Variants in CACYBP observed in about 807,000 individuals in gnomAD.
CACYBP encodes calcyclin binding protein.
Under a neutral mutation model 29.6 loss-of-function variants are expected in CACYBP, and 11 were observed. The ratio of observed to expected loss-of-function variants is 0.37; its 90% CI spans 0.23 to 0.61. The LOEUF is 0.61. Among genes scored for constraint, CACYBP ranks in the 20% least tolerant of loss-of-function variants. The pLI is 0.65. For missense variants in CACYBP, 163 were observed against 260.7 expected (o/e 0.63, Z 2.58); for synonymous variants, 73 against 88.3 (o/e 0.83, Z 0.97).
At chr1:175,000,441 C>T in intron 1 of CACYBP, 2 of 1,372,608 alleles carry the variant, frequency 1.5e-6, no homozygotes, top group Non-Finnish European at 1.9e-6. Context: ...GGCGATTATC[C>T]GTGCAGGCGG....
rs186375731 is a variant in CACYBP at position 175,007,845 on chromosome 1, T to C, written c.432+648T>C. ...AAACTGTCTTTTAAAAACTACTCTTTGTAATTTTTACTAAATCAGATAGTC... is the reference window on the plus strand; with the variant it reads ...AAACTGTCTTTTAAAAACTACTCTTCGTAATTTTTACTAAATCAGATAGTC... On this transcript the variant is annotated intron_variant, in intron 4 of 5. Coordinates refer to ENST00000367679, the MANE Select transcript of CACYBP (RefSeq NM_014412.3). Among the ~76,000 whole-genome samples the C allele has an allele frequency of 5.8e-3, 884 of 152,350 alleles. 7 individuals carry two copies. Among genetic ancestry groups the C allele is most frequent in the Non-Finnish European group, 6.9e-3 (470 of 68,036 alleles).
chr1:175,000,343 C>T, intron 1 of CACYBP, 148 bp downstream of exon 1: 5 of 1,444,230 alleles, frequency 3.5e-6, no homozygotes, highest in South Asian at 1.5e-5. Context: ...GGGGACACCT[C>T]ACTCGCCCCT....
intron 4 of CACYBP, among the ~76,000 whole-genome samples, chr1:175,007,919 A>G (rs1025352871): frequency 2.6e-5 from 4 of 152,222 alleles, no homozygotes; most frequent in Non-Finnish European, 4.4e-5. Context: ...CGTTAGGTAT[A>G]TAGACATGAC....
chr1:175,000,121 G>T lies in CACYBP; in HGVS notation c.-60G>T. 2 of 1,571,830 alleles carry T rather than the reference G, an allele frequency of 1.3e-6. No individual in the cohort carries two copies. The highest frequency in any genetic ancestry group is 1.7e-6 in the Non-Finnish European group (2 of 1,157,874). On this transcript the variant is annotated 5_prime_UTR_variant, in exon 1 of 6. Coordinates refer to ENST00000367679, the MANE Select transcript of CACYBP (RefSeq NM_014412.3). ...CGCTCGGTTTGAGGGCTCGGCGCGG[G>T]GTTTCCTGTTCCTCCTTCTGCGCGG...
At chr1:175,000,271 T>A (rs1305624459) in intron 1 of CACYBP, 76 bp downstream of exon 1, 9 of 1,546,282 alleles carry the variant, frequency 5.8e-6, no homozygotes, top group Non-Finnish European at 7.9e-6. Context: ...TACCGCCGTT[T>A]CCGTGGGCTG....
At chr1:175,000,276 G>T in intron 1 of CACYBP, 81 bp downstream of exon 1, 2 of 1,540,474 alleles carry the variant, frequency 1.3e-6, no homozygotes, top group South Asian at 1.2e-5. Context: ...CCGTTTCCGT[G>T]GGCTGAGCCG....
intron 1 of CACYBP, among the ~76,000 whole-genome samples, chr1:175,003,787 A>G (rs1672551609): frequency 6.6e-6 from 1 of 152,214 alleles, no homozygotes; most frequent in African/African-American, 2.4e-5. Flanking sequence ...ACTTAGGCTC[A>G]ATAATTTTCT....
rs1574113314 is a variant in CACYBP at position 175,011,480 on chromosome 1, C to T, written c.*1401C>T. On this transcript the variant is annotated 3_prime_UTR_variant, in exon 6 of 6. Transcript: ENST00000367679. ...ACTAGAAGAAAATGGAGGAAAACGA[C>T]ATTATATGTGACTTAAAACCTAGAA... 1 of 152,120 alleles carries T rather than the reference C, an allele frequency of 6.6e-6. No individual in the cohort carries two copies. Among genetic ancestry groups the T allele is most frequent in the Admixed American group, 6.5e-5 (1 of 15,274 alleles). 9.4% of individuals were successfully genotyped at this position (152,120 alleles called of 1,614,324 possible).
Position 175,007,204 on chromosome 1 carries a change from G to T in CACYBP, c.432+7G>T. On this transcript the variant is annotated splice_region_variant and intron_variant, in intron 4 of 5. Transcript: ENST00000367679. ...GGAAGGCAGTTCAAAAAAAGTGAGT[G>T]TGCTTTTTTTGATTGTAATATTGTG... The T allele has an allele frequency of 6.4e-7, 1 of 1,562,836 alleles. No individual in the cohort carries two copies. The highest frequency in any genetic ancestry group is 8.8e-7 in the Non-Finnish European group (1 of 1,135,796).
intron 1 of CACYBP, among the ~76,000 whole-genome samples, chr1:175,003,414 T>A (rs1033692119): frequency 6.6e-6 from 1 of 152,216 alleles, no homozygotes; most frequent in Non-Finnish European, 1.5e-5. Flanking sequence ...CCACTGCACC[T>A]GGCCAGAGTT....
At chr1:175,004,046 A>C (rs1160895130) in intron 1 of CACYBP, among the ~76,000 whole-genome samples, 2 of 149,360 alleles carry the variant, frequency 1.3e-5, no homozygotes, top group Non-Finnish European at 3.0e-5. Flanking sequence ...AAAAGCAGAA[A>C]TTTTTTTTTT....
intron 2 of CACYBP, chr1:175,005,066 A>C: frequency 1.9e-6 from 1 of 522,054 alleles, no homozygotes; most frequent in Non-Finnish European, 3.5e-6. Context: ...CAAGGAAGGA[A>C]CTTATTCTGA....
chr1:175,000,035 C>A lies in CACYBP; in HGVS notation c.-146C>A. The A allele has an allele frequency of 8.3e-7, 1 of 1,197,778 alleles. No homozygotes were observed. Among genetic ancestry groups the A allele is most frequent in the Non-Finnish European group, 1.2e-6 (1 of 835,230 alleles). 74.2% of individuals were successfully genotyped at this position (1,197,778 alleles called of 1,614,324 possible). ...TCGCGTGCGGGAGGCGGGCCGCGAT[C>A]TTGCGCAGGGTCGGTGTGGGCGCAG... On this transcript the variant is annotated 5_prime_UTR_variant, in exon 1 of 6. Transcript: ENST00000367679.
intron 1 of CACYBP, among the ~76,000 whole-genome samples, chr1:175,002,887 A>G (rs1157024790): frequency 6.6e-6 from 1 of 152,212 alleles, no homozygotes; most frequent in African/African-American, 2.4e-5. Flanking sequence ...TCAAAAAGCA[A>G]AACCTCTTGC....
intron 1 of CACYBP, chr1:175,000,490 G>T: frequency 6.0e-6 from 8 of 1,331,130 alleles, no homozygotes; most frequent in African/African-American, 1.6e-5. Flanking sequence ...CTTTGCGCGT[G>T]TTCCTCAGGC....
chr1:175,004,197 G>C (rs1236722820), intron 1 of CACYBP, among the ~76,000 whole-genome samples: 4 of 152,164 alleles, frequency 2.6e-5, no homozygotes, highest in Non-Finnish European at 5.9e-5. Flanking sequence ...CATGGTCACT[G>C]CATGTTCTCT....
Position 175,008,852 on chromosome 1 carries a change from G to A in CACYBP, c.530+146G>A. 5 of 609,926 alleles carry A rather than the reference G, an allele frequency of 8.2e-6. No individual in the cohort carries two copies. In the South Asian group the frequency reaches 9.9e-5, roughly 12 times the overall value. 37.8% of individuals were successfully genotyped at this position (609,926 alleles called of 1,614,324 possible). On this transcript the variant is annotated intron_variant, in intron 5 of 5. Transcript: ENST00000367679. Reference sequence around the variant, plus strand: ...GCACGTCCAGCAAGTTGCTTTTTAAGGTCTTTGTAGTTAAGGGTTGGCTCT... The same window carrying A: ...GCACGTCCAGCAAGTTGCTTTTTAAAGTCTTTGTAGTTAAGGGTTGGCTCT...
At chr1:175,007,950 AATAC>A (rs1200803258) in intron 4 of CACYBP, among the ~76,000 whole-genome samples, 1 of 152,204 alleles carries the variant, frequency 6.6e-6, no homozygotes, top group East Asian at 1.9e-4. Flanking sequence ...CTGTTTTTAT[AATAC>A]ATAATTACTT....
chr1:175,006,888 T>C (rs746196232), intron 3 of CACYBP, 47 bp downstream of exon 3: 7 of 1,045,188 alleles, frequency 6.7e-6, no homozygotes, highest in Non-Finnish European at 1.0e-5. Flanking sequence ...ACAGTCAACA[T>C]TGCCTTATCT....
Sources: gnomAD v4.1 joint callset for allele counts (sites outside exome capture counted in the v4.1 genomes callset) on GRCh38, gnomAD v4.1.1 for gene constraint, MANE v1.5 for transcripts, NCBI Gene and HGNC (gene_info 2026-07-23, HGNC 2026-07-21) for gene names.